MYL10: variants seen among roughly 807,000 people sequenced by gnomAD.
MYL10 encodes the protein myosin light chain 10.
In MYL10, 18 loss-of-function variants were observed where a neutral mutation model predicts 21.9. That is an observed-to-expected ratio of 0.82 (90% CI 0.57 to 1.22). MYL10 has a LOEUF of 1.22. Among genes scored for constraint, MYL10 ranks in the 50% most tolerant of loss-of-function variants. The pLI, the probability that MYL10 is intolerant of heterozygous loss-of-function variation, is 0.00. For synonymous variants in MYL10, 88 were observed against 82.8 expected (o/e 1.06, Z -0.34); for missense variants, 225 against 230.4 (o/e 0.98, Z 0.15).
rs548990601 is a variant in MYL10 at position 101,616,254 on chromosome 7, C to G, written c.499G>C (p.Asp167His). ...TTGACGAAACCTTTCCCTTCAGTGT[C>G]GAACACTTTGAAGGCGTGGAGAATG... ...ETILHAFKVFDTEGKGFVKAD... is the reference protein window; with the variant it reads ...ETILHAFKVFHTEGKGFVKAD... The change falls in exon 6 of 8, where the codon GAC (aspartate) becomes CAC (histidine). Residue 167 changes from aspartate to histidine, a missense_variant. Physicochemically the swap from Asp to His is moderately conservative, Grantham distance 81 (BLOSUM62 -1). Coordinates refer to ENST00000223167, the MANE Select transcript of MYL10 (RefSeq NM_138403.5). 2.1e-5 allele frequency: 34 copies of G among 1,613,994 alleles called. No homozygotes were observed. The highest frequency in any genetic ancestry group is 2.9e-5 in the Non-Finnish European group (34 of 1,180,020).
At chr7:101,618,942 G>A (rs1368522195) in intron 5 of MYL10, among the ~76,000 whole-genome samples, 1 of 152,172 alleles carries the variant, frequency 6.6e-6, no homozygotes, top group Non-Finnish European at 1.5e-5. Context: ...AGCTGACAGA[G>A]TCCCCTCCCC....
intron 5 of MYL10, 61 bp from the exon 6 acceptor site, chr7:101,616,359 G>T: frequency 7.2e-7 from 1 of 1,388,174 alleles, no homozygotes; most frequent in Non-Finnish European, 1.0e-6. Flanking sequence ...ACAGGGACAG[G>T]CACAAGGCTG....
intron 3 of MYL10, 65 bp from the exon 4 acceptor site, chr7:101,623,137 C>T: frequency 6.7e-7 from 1 of 1,489,678 alleles, no homozygotes; most frequent in South Asian, 1.1e-5. Context: ...CCCCCAGGGA[C>T]CGTCCTCCTG....
At chr7:101,620,175 T>A (rs558000132) in intron 5 of MYL10, among the ~76,000 whole-genome samples, 7 of 151,866 alleles carry the variant, frequency 4.6e-5, no homozygotes, top group Non-Finnish European at 1.0e-4. Flanking sequence ...TACAAAAAAA[T>A]TTAGCGGGGC....
In MYL10 at chr7:101,629,270, C is replaced by T. The variant is rs1029527677; in HGVS notation, c.-152G>A. ...ATGCCCAGCTGCTCAAACCTCTAGG[C>T]GGACCATGCAGACAGGCAGGCTATG... On this transcript the variant is annotated 5_prime_UTR_variant, in exon 1 of 8. Transcript: ENST00000223167. The T allele has an allele frequency of 1.1e-5, 3 of 261,020 alleles. No individual in the cohort carries two copies. Among genetic ancestry groups the T allele is most frequent in the South Asian group, 3.7e-5 (1 of 27,164 alleles). 16.2% of individuals were successfully genotyped at this position (261,020 alleles called of 1,614,324 possible).
Position 101,616,270 on chromosome 7 carries a change from G to A in MYL10, c.483C>T (p.His161=), listed in dbSNP as rs777895650. The change falls in exon 6 of 8, where the codon CAC becomes CAT. Residue 161 remains histidine, a synonymous_variant. Transcript: ENST00000223167. ...KGTDPEETIL[H]AFKVFDTEGK... Reference sequence around the variant, plus strand: ...CTTCAGTGTCGAACACTTTGAAGGCGTGGAGAATGGTCTCCTCTGGGTCCG... The same window carrying A: ...CTTCAGTGTCGAACACTTTGAAGGCATGGAGAATGGTCTCCTCTGGGTCCG... The A allele has an allele frequency of 5.8e-5, 94 of 1,614,034 alleles. No homozygotes were observed. The highest frequency in any genetic ancestry group is 6.7e-5 in the African/African-American group (5 of 74,938).
chr7:101,620,409 G>A (rs2130739166), intron 5 of MYL10, among the ~76,000 whole-genome samples: 1 of 152,246 alleles, frequency 6.6e-6, no homozygotes, highest in Admixed American at 6.5e-5. Flanking sequence ...GGCTGAGATG[G>A]GAGAGGTAGA....
At chr7:101,624,520 C>T (rs912837659) in intron 1 of MYL10, among the ~76,000 whole-genome samples, 7 of 152,236 alleles carry the variant, frequency 4.6e-5, no homozygotes, top group Admixed American at 2.0e-4. Context: ...CCCCGGGCTC[C>T]GGAAGGTGGG....
chr7:101,629,171 G>T lies in MYL10; in HGVS notation c.-53C>A, dbSNP rs1313155764. On this transcript the variant is annotated 5_prime_UTR_variant, in exon 1 of 8. Transcript: ENST00000223167. ...TTTTTTTAATTAAAAAATTAGTCAG[G>T]CATAGTGGTGAAGTGAAAAAGTTCC... 6.0e-6 allele frequency: 2 copies of T among 331,832 alleles called. No individual in the cohort carries two copies. The highest frequency in any genetic ancestry group is 4.5e-5 in the African/African-American group (2 of 44,688). The allele number at this position is 331,832 out of a possible 1,614,324, so 20.6% of individuals were successfully genotyped here.
intron 4 of MYL10, 24 bp downstream of exon 4, chr7:101,622,973 T>TC: frequency 1.9e-6 from 3 of 1,610,930 alleles, no homozygotes; most frequent in Non-Finnish European, 2.5e-6. Flanking sequence ...GGCCCTAATC[T>TC]CCCCCGGCTG....
At chr7:101,626,748 T>G (rs1377796773) in intron 1 of MYL10, among the ~76,000 whole-genome samples, 1 of 152,124 alleles carries the variant, frequency 6.6e-6, no homozygotes, top group Admixed American at 6.5e-5. Flanking sequence ...CTCGTCTCTC[T>G]CCACCCTCCT....
chr7:101,613,716 CAAGGGAGAGA>C lies in MYL10; in HGVS notation c.534-16_534-7del. The C allele has an allele frequency of 6.2e-7, 1 of 1,614,004 alleles. No individual in the cohort carries two copies. Among genetic ancestry groups the C allele is most frequent in the Admixed American group, 1.7e-5 (1 of 60,002 alleles). ...TCATAAGTTTTTCTTTGATGCTGTTCAAGGGAGAGACACAGTCATGTTCAGGGAACGGGAT... is the reference window on the plus strand; with the variant it reads ...TCATAAGTTTTTCTTTGATGCTGTTCCACAGTCATGTTCAGGGAACGGGAT... On this transcript the variant is annotated splice_polypyrimidine_tract_variant and splice_region_variant and intron_variant, in intron 6 of 7. Transcript: ENST00000223167.
intron 5 of MYL10, among the ~76,000 whole-genome samples, chr7:101,618,899 C>G (rs1487938401): frequency 6.6e-6 from 1 of 152,236 alleles, no homozygotes. Context: ...TCTCAATCTT[C>G]CCATCTGCGA....
At chr7:101,623,561 G>A (rs1796705813) in intron 3 of MYL10, among the ~76,000 whole-genome samples, 1 of 151,996 alleles carries the variant, frequency 6.6e-6, no homozygotes, top group East Asian at 1.9e-4. Flanking sequence ...CAGGCATGGT[G>A]ATGAATGCCT....
intron 5 of MYL10, among the ~76,000 whole-genome samples, chr7:101,621,620 G>C (rs1008916039): frequency 1.3e-5 from 2 of 151,734 alleles, no homozygotes; most frequent in Non-Finnish European, 2.9e-5. Context: ...ACAGGGCCTT[G>C]CTCTGTCACC....
At chr7:101,614,200 C>T (rs1196704320) in intron 6 of MYL10, among the ~76,000 whole-genome samples, 1 of 152,202 alleles carries the variant, frequency 6.6e-6, no homozygotes, top group Admixed American at 6.5e-5. Flanking sequence ...AAGGGCCTGC[C>T]CCCTCAAGCT....
chr7:101,614,307 C>T (rs971353618), intron 6 of MYL10, among the ~76,000 whole-genome samples: 28 of 152,196 alleles, frequency 1.8e-4, no homozygotes, highest in African/African-American at 5.8e-4. Flanking sequence ...CCTCTGGCAC[C>T]GGCTGCGGCA....
At chr7:101,617,108 C>T (rs561354321) in intron 5 of MYL10, among the ~76,000 whole-genome samples, 5 of 152,250 alleles carry the variant, frequency 3.3e-5, no homozygotes, top group East Asian at 1.9e-4. Flanking sequence ...CACCCTCGCC[C>T]GGTGCCCTTT....
chr7:101,619,033 G>C (rs558342631), intron 5 of MYL10, among the ~76,000 whole-genome samples: 1 of 152,134 alleles, frequency 6.6e-6, no homozygotes, highest in Non-Finnish European at 1.5e-5. Context: ...CACCAGGGGC[G>C]GGAGGTGCTC....
Sources: allele counts gnomAD v4.1 joint callset (sites outside exome capture counted in the v4.1 genomes callset), GRCh38; gene constraint gnomAD v4.1.1; transcripts MANE v1.5; gene names NCBI Gene and HGNC (gene_info 2026-07-23, HGNC 2026-07-21).